Variants in PRKCQ observed in about 807,000 individuals in gnomAD.
The protein encoded by PRKCQ is protein kinase C theta, also known as protein kinase C theta type.
A neutral mutation model predicts 91.2 loss-of-function variants in PRKCQ; 41 were observed. That is an observed-to-expected ratio of 0.45 (90% confidence interval 0.35 to 0.58). The LOEUF (loss-of-function observed/expected upper bound fraction) is 0.58, where lower values mean the gene tolerates loss of function less well. Among genes scored for constraint, PRKCQ ranks in the 20% least tolerant of loss-of-function variants. The probability of loss-of-function intolerance (pLI) is 0.00; values close to 1 mark genes in which losing one functional copy is unlikely to be tolerated. For synonymous variants in PRKCQ, 307 were observed against 316.9 expected, an observed-to-expected ratio of 0.97 and a Z score of 0.33; for missense variants, 673 against 896.5, an observed-to-expected ratio of 0.75 and a Z score of 3.18.
At chr10:6,463,020 A>T (rs1835446429) in intron 13 of PRKCQ, among the ~76,000 whole-genome samples, 1 of 149,476 alleles carries the variant, frequency 6.7e-6, no homozygotes, top group Non-Finnish European at 1.5e-5. Context: ...AAAAAAAAAA[A>T]GTAATAGTAT....
chr10:6,477,841 C>T (rs1163075851), intron 12 of PRKCQ, among the ~76,000 whole-genome samples: 1 of 152,220 alleles, frequency 6.6e-6, no homozygotes, highest in African/African-American at 2.4e-5. Flanking sequence ...GCACTCCAGC[C>T]TGGGCGACAG....
downstream of PRKCQ, among the ~76,000 whole-genome samples, chr10:6,422,543 C>G (rs1306006871): frequency 1.2e-4 from 18 of 152,264 alleles, no homozygotes; most frequent in East Asian, 3.5e-3. Context: ...GATGTGTAAT[C>G]TTTCCAAACC....
chr10:6,401,656 C>G, the PRKCQ span, among the ~76,000 whole-genome samples: 1 of 152,126 alleles, frequency 6.6e-6, no homozygotes, highest in African/African-American at 2.4e-5. Flanking sequence ...GGCCAGGGCA[C>G]TCTGGTCCCA....
At chr10:6,568,267 AAACT>A (rs994090213) in intron 1 of PRKCQ, among the ~76,000 whole-genome samples, 100 of 152,180 alleles carry the variant, frequency 6.6e-4, no homozygotes, top group African/African-American at 2.2e-3. Flanking sequence ...AATCCCCCCA[AAACT>A]AACAAAAAAA....
At chr10:6,489,154 G>A (rs570620655) in intron 8 of PRKCQ, among the ~76,000 whole-genome samples, 2 of 151,860 alleles carry the variant, frequency 1.3e-5, no homozygotes, top group African/African-American at 2.4e-5. Flanking sequence ...GGCAAAACTC[G>A]CATAACTCAC....
intron 12 of PRKCQ, among the ~76,000 whole-genome samples, chr10:6,470,238 A>G (rs1835886023): frequency 6.6e-6 from 1 of 151,344 alleles, no homozygotes; most frequent in Admixed American, 6.6e-5. Flanking sequence ...GATACTCCTA[A>G]CTCCTCTGTT....
chr10:6,570,277 G>A (rs971617143), intron 1 of PRKCQ, among the ~76,000 whole-genome samples: 1 of 152,172 alleles, frequency 6.6e-6, no homozygotes, highest in Non-Finnish European at 1.5e-5. Context: ...AGGAAGCAAA[G>A]GCAGCAAGTG....
the PRKCQ span, among the ~76,000 whole-genome samples, chr10:6,410,901 C>T: frequency 2.2e-4 from 32 of 145,242 alleles, no homozygotes; most frequent in South Asian, 5.8e-3. Flanking sequence ...CGCTTGAACC[C>T]GGGAGGTGAA....
At chr10:6,444,232 A>G (rs11258856) in intron 15 of PRKCQ, among the ~76,000 whole-genome samples, 31,132 of 151,930 alleles carry the variant, frequency 0.2, 3,316 homozygotes, top group Non-Finnish European at 0.23. Flanking sequence ...CACCATGCCC[A>G]GATAATTTTT....
At chr10:6,425,286 G>A (rs1313066327), downstream of PRKCQ, among the ~76,000 whole-genome samples, 4 of 150,050 alleles carry the variant, frequency 2.7e-5, no homozygotes, top group East Asian at 2.0e-4. Context: ...GTGCAGTAGC[G>A]CGATCTCAGC....
chr10:6,413,825 G>GCA, the PRKCQ span, among the ~76,000 whole-genome samples: 7,089 of 117,470 alleles, frequency 0.06, 299 homozygotes, highest in Middle Eastern at 0.17. Context: ...TTGTGCGCGT[G>GCA]CACACACACA....
chr10:6,545,940 G>A, intron 1 of PRKCQ, among the ~76,000 whole-genome samples: 1 of 152,104 alleles, frequency 6.6e-6, no homozygotes, highest in African/African-American at 2.4e-5. Context: ...GGAGGTGGAG[G>A]TTGCAGTGAG....
chr10:6,475,107 C>T (rs1452575038), intron 12 of PRKCQ, among the ~76,000 whole-genome samples: 2 of 152,308 alleles, frequency 1.3e-5, no homozygotes, highest in Non-Finnish European at 2.9e-5. Context: ...GGATGATGTA[C>T]AAAGTCATTT....
chr10:6,551,232 C>T (rs1840172256), intron 1 of PRKCQ, among the ~76,000 whole-genome samples: 2 of 152,104 alleles, frequency 1.3e-5, no homozygotes. Flanking sequence ...TTAGCTCCCA[C>T]TTATAAGTGA....
chr10:6,416,192 T>G, the PRKCQ span, among the ~76,000 whole-genome samples: 11 of 151,008 alleles, frequency 7.3e-5, no homozygotes, highest in African/African-American at 2.7e-4. Context: ...ATACAAAGAT[T>G]CTTCTTTTTT....
At chr10:6,413,480 A>T in the PRKCQ span, among the ~76,000 whole-genome samples, 1 of 27,088 alleles carries the variant, frequency 3.7e-5, no homozygotes, top group South Asian at 6.7e-4. Context: ...TATGTCACAC[A>T]CACACACACA....
intron 1 of PRKCQ, among the ~76,000 whole-genome samples, chr10:6,531,490 C>A (rs558506503): frequency 4.6e-5 from 7 of 151,516 alleles, no homozygotes; most frequent in East Asian, 1.9e-4. Flanking sequence ...AGCACCCCCC[C>A]AAAACCAATA....
At chr10:6,436,148 T>C (rs1306744874) in intron 16 of PRKCQ, among the ~76,000 whole-genome samples, 1 of 152,178 alleles carries the variant, frequency 6.6e-6, no homozygotes, top group Admixed American at 6.5e-5. Context: ...CCACCAGTCC[T>C]CTTGTTTGCT....
At chr10:6,527,767 T>C (rs1198219668) in intron 1 of PRKCQ, among the ~76,000 whole-genome samples, 1 of 152,114 alleles carries the variant, frequency 6.6e-6, no homozygotes, top group Non-Finnish European at 1.5e-5. Flanking sequence ...CGTCACACAC[T>C]GCTTACGAGG....
Sources: gnomAD v4.1 joint callset for allele counts (sites outside exome capture counted in the v4.1 genomes callset) on GRCh38, gnomAD v4.1.1 for gene constraint, MANE v1.5 for transcripts, NCBI Gene and HGNC (gene_info 2026-07-23, HGNC 2026-07-21) for gene names.